ATXN1: variants seen among roughly 807,000 people sequenced by gnomAD.
The protein encoded by ATXN1 is ataxin 1, also known as ataxin-1.
A neutral mutation model predicts 56.4 loss-of-function variants in ATXN1; 8 were observed. That is an observed-to-expected ratio of 0.14 (90% confidence interval 0.08 to 0.26). The LOEUF (loss-of-function observed/expected upper bound fraction) is 0.26. Among genes scored for constraint, ATXN1 ranks in the 10% least tolerant of loss-of-function variants. The pLI is 1.00. For synonymous variants in ATXN1, 514 were observed against 494.6 expected (o/e 1.04, Z -0.52); for missense variants, 987 against 1,106.5 (o/e 0.89, Z 1.53).
At chr6:16,629,051 C>T (rs895841097) in intron 3 of ATXN1, among the ~76,000 whole-genome samples, 9 of 152,176 alleles carry the variant, frequency 5.9e-5, no homozygotes, top group South Asian at 4.1e-4. Context: ...GCCACACTGC[C>T]TTCCACAATG....
chr6:16,662,831 C>T (rs1392894491), intron 2 of ATXN1, among the ~76,000 whole-genome samples: 1 of 152,172 alleles, frequency 6.6e-6, no homozygotes, highest in Non-Finnish European at 1.5e-5. Flanking sequence ...ATTTCCAGCA[C>T]CATTTGCCAA....
intron 6 of ATXN1, among the ~76,000 whole-genome samples, chr6:16,350,190 T>A (rs1378672321): frequency 6.6e-6 from 1 of 152,244 alleles, no homozygotes; most frequent in Non-Finnish European, 1.5e-5. Context: ...AAAGCTCATT[T>A]TCTATACTAG....
At chr6:16,623,594 C>T (rs1333869994) in intron 3 of ATXN1, among the ~76,000 whole-genome samples, 1 of 152,188 alleles carries the variant, frequency 6.6e-6, no homozygotes, top group Non-Finnish European at 1.5e-5. Context: ...AAAATGAAGA[C>T]ATTTAAATTA....
At chr6:16,459,179 G>A (rs1286510004) in intron 6 of ATXN1, among the ~76,000 whole-genome samples, 1 of 152,188 alleles carries the variant, frequency 6.6e-6, no homozygotes, top group Non-Finnish European at 1.5e-5. Flanking sequence ...CAAAGCTGGA[G>A]CCATTAACTA....
chr6:16,444,503 C>T (rs993731514), intron 6 of ATXN1, among the ~76,000 whole-genome samples: 20 of 152,174 alleles, frequency 1.3e-4, no homozygotes, highest in Non-Finnish European at 2.8e-4. Flanking sequence ...TGGACTGAAA[C>T]ACAACAGATA....
chr6:16,598,676 G>T (rs1226061608), intron 3 of ATXN1, among the ~76,000 whole-genome samples: 1 of 152,158 alleles, frequency 6.6e-6, no homozygotes, highest in East Asian at 1.9e-4. Context: ...AAGGATGCTG[G>T]CTTCCTGGTG....
At chr6:16,622,275 G>A (rs1254157768) in intron 3 of ATXN1, among the ~76,000 whole-genome samples, 1 of 152,174 alleles carries the variant, frequency 6.6e-6, no homozygotes, top group Non-Finnish European at 1.5e-5. Context: ...AAGACCCTGA[G>A]GGAGGAACAT....
chr6:16,367,362 T>A (rs9689725), intron 6 of ATXN1, among the ~76,000 whole-genome samples: 1,547 of 144,526 alleles, frequency 0.011, 39 homozygotes, highest in African/African-American at 0.037. Flanking sequence ...TCTCTCTCTC[T>A]CACACACACA....
At chr6:16,719,877 C>G (rs181638326) in intron 2 of ATXN1, among the ~76,000 whole-genome samples, 2 of 152,326 alleles carry the variant, frequency 1.3e-5, no homozygotes, top group African/African-American at 4.8e-5. Flanking sequence ...GTTCTCCCAA[C>G]AGAGCTTCGG....
intron 6 of ATXN1, among the ~76,000 whole-genome samples, chr6:16,359,968 A>G (rs1195476924): frequency 1.3e-5 from 2 of 152,196 alleles, no homozygotes; most frequent in Non-Finnish European, 2.9e-5. Flanking sequence ...GGTACAGTGT[A>G]TAGTGCTCGG....
intron 2 of ATXN1, among the ~76,000 whole-genome samples, chr6:16,664,927 ATAC>A (rs1422587870): frequency 2.6e-5 from 4 of 152,212 alleles, no homozygotes; most frequent in African/African-American, 9.6e-5. Context: ...TACCCATTGC[ATAC>A]TACATGAAAT....
At chr6:16,610,139 G>A (rs1247798219) in intron 3 of ATXN1, among the ~76,000 whole-genome samples, 3 of 152,024 alleles carry the variant, frequency 2.0e-5, no homozygotes, top group Non-Finnish European at 4.4e-5. Context: ...AGGAGACAAA[G>A]TAGGAAGCCA....
intron 2 of ATXN1, among the ~76,000 whole-genome samples, chr6:16,704,441 A>G (rs1382330754): frequency 1.3e-5 from 2 of 152,222 alleles, no homozygotes; most frequent in Admixed American, 6.5e-5. Context: ...CAAAATCTCA[A>G]GTGCTTACTT....
chr6:16,749,573 C>A (rs959620686), intron 2 of ATXN1, among the ~76,000 whole-genome samples: 67 of 152,104 alleles, frequency 4.4e-4, no homozygotes, highest in Non-Finnish European at 9.4e-4. Context: ...TTCCAAGGTG[C>A]CTGAGCTGCA....
chr6:16,496,425 C>T (rs938265804), intron 5 of ATXN1, among the ~76,000 whole-genome samples: 3 of 152,088 alleles, frequency 2.0e-5, no homozygotes, highest in Admixed American at 2.0e-4. Context: ...ATGAATGTGG[C>T]GCTGAAGATT....
chr6:16,446,914 C>T (rs992407558), intron 6 of ATXN1, among the ~76,000 whole-genome samples: 1 of 152,164 alleles, frequency 6.6e-6, no homozygotes, highest in Admixed American at 6.5e-5. Context: ...GGAAGACATG[C>T]TTGGTGACAG....
At position 16,299,213 on chromosome 6, in the gene ATXN1, A is replaced by G. The variant is rs1190157725; in HGVS notation, c.*7116T>C. The G allele has an allele frequency of 1.3e-5, 2 of 152,664 alleles. No homozygotes were observed. The highest frequency in any genetic ancestry group is 2.9e-5 in the Non-Finnish European group (2 of 68,050). 9.5% of individuals were successfully genotyped at this position (152,664 alleles called of 1,614,324 possible). A position where few individuals can be genotyped will look rare whatever the true frequency, so the allele number is the denominator to read the frequency against. ...TAAAACAATTTTGTTCAAATTTTGA[A>G]TCAAACATTGTTTTATTATAATAAT... On this transcript the variant is annotated 3_prime_UTR_variant, in exon 8 of 8. Coordinates refer to ENST00000436367, the MANE Select transcript of ATXN1 (RefSeq NM_001128164.2).
At chr6:16,750,980 T>C (rs1050185143) in intron 2 of ATXN1, among the ~76,000 whole-genome samples, 6 of 150,316 alleles carry the variant, frequency 4.0e-5, no homozygotes, top group Non-Finnish European at 8.9e-5. Context: ...TTTTTTTTTT[T>C]TTTTTTGAGA....
chr6:16,578,633 G>A (rs1156842680), intron 4 of ATXN1, among the ~76,000 whole-genome samples: 2 of 152,084 alleles, frequency 1.3e-5, no homozygotes, highest in Middle Eastern at 3.2e-3. Context: ...GTTATAACAT[G>A]CTTACCTACA....
Sources: allele counts gnomAD v4.1 joint callset (sites outside exome capture counted in the v4.1 genomes callset), GRCh38; gene constraint gnomAD v4.1.1; transcripts MANE v1.5; gene names NCBI Gene and HGNC (gene_info 2026-07-23, HGNC 2026-07-21).